Variants in CACNB2 observed in about 807,000 individuals in gnomAD.
CACNB2 encodes the protein voltage-dependent L-type calcium channel subunit beta-2.
Under a neutral mutation model 73.3 loss-of-function variants are expected in CACNB2, and 42 were observed. The ratio of observed to expected loss-of-function variants is 0.57; its 90% confidence interval spans 0.45 to 0.74. CACNB2 has a LOEUF of 0.74. Ranked by LOEUF, CACNB2 falls within the 30% of genes least tolerant of loss-of-function variation. CACNB2 has a pLI of 0.00. For synonymous variants in CACNB2, 348 were observed against 310.3 expected (o/e 1.12, Z -1.28); for missense variants, 940 against 853.0 (o/e 1.10, Z -1.27).
intron 4 of CACNB2, chr10:18,498,704 T>A: frequency 1.9e-6 from 1 of 517,106 alleles, no homozygotes; most frequent in South Asian, 2.1e-5. Context: ...TCCCTGGGGC[T>A]CTGTGGCCCA....
intron 2 of CACNB2, among the ~76,000 whole-genome samples, chr10:18,272,709 C>T (rs911905075): frequency 6.6e-6 from 1 of 152,200 alleles, no homozygotes; most frequent in African/African-American, 2.4e-5. Context: ...CTCTTATCCG[C>T]CGCCATGTAA....
At chr10:18,268,797 T>C (rs1001408708) in intron 2 of CACNB2, among the ~76,000 whole-genome samples, 5 of 152,326 alleles carry the variant, frequency 3.3e-5, no homozygotes. Context: ...TTAAATATGT[T>C]ATCTCCTACC....
chr10:18,248,474 A>G (rs780685653), intron 2 of CACNB2, among the ~76,000 whole-genome samples: 1 of 149,584 alleles, frequency 6.7e-6, no homozygotes, highest in Non-Finnish European at 1.5e-5. Context: ...AAATTTGAGA[A>G]GAACTTTTTC....
intron 1 of CACNB2, among the ~76,000 whole-genome samples, chr10:18,147,717 T>TA (rs34751078): frequency 1.4e-4 from 17 of 118,332 alleles, no homozygotes; most frequent in African/African-American, 5.9e-4. Context: ...ATTACATATA[T>TA]TTTTTTTTTC....
intron 2 of CACNB2, among the ~76,000 whole-genome samples, chr10:18,286,265 C>A (rs1376798416): frequency 6.6e-6 from 1 of 152,070 alleles, no homozygotes; most frequent in South Asian, 2.1e-4. Flanking sequence ...GCCTGTAATC[C>A]CAGCACTTTG....
intron 2 of CACNB2, among the ~76,000 whole-genome samples, chr10:18,379,926 A>G (rs1452697683): frequency 3.3e-5 from 5 of 152,132 alleles, no homozygotes; most frequent in African/African-American, 9.7e-5. Context: ...GGCTCAAGCA[A>G]TCCTCCTGTC....
intron 3 of CACNB2, among the ~76,000 whole-genome samples, chr10:18,457,998 T>A (rs1350200353): frequency 6.6e-6 from 1 of 152,226 alleles, no homozygotes. Flanking sequence ...TTGTTTTAGA[T>A]AATTACCAGC....
chr10:18,152,630 C>G (rs2031659626), intron 2 of CACNB2, among the ~76,000 whole-genome samples: 2 of 142,864 alleles, frequency 1.4e-5, no homozygotes, highest in African/African-American at 5.2e-5. Flanking sequence ...TATTCTGCCT[C>G]TGAGACAAAG....
At chr10:18,211,959 C>T (rs2035334805) in intron 2 of CACNB2, among the ~76,000 whole-genome samples, 1 of 151,944 alleles carries the variant, frequency 6.6e-6, no homozygotes, top group Admixed American at 6.6e-5. Flanking sequence ...TAGGGCAGTG[C>T]TTTCTCAATC....
chr10:18,519,013 A>C, intron 9 of CACNB2, 45 bp downstream of exon 9: 1 of 1,545,194 alleles, frequency 6.5e-7, no homozygotes, highest in Admixed American at 1.7e-5. Context: ...TGTCTTAAAG[A>C]TGGCAAAACG....
chr10:18,208,241 A>C (rs1283930762), intron 2 of CACNB2, among the ~76,000 whole-genome samples: 1 of 152,164 alleles, frequency 6.6e-6, no homozygotes, highest in Non-Finnish European at 1.5e-5. Context: ...CTGAGGCTGG[A>C]GGATGACTTG....
chr10:18,141,903 T>TA (rs1383755886), intron 1 of CACNB2, among the ~76,000 whole-genome samples: 3 of 152,230 alleles, frequency 2.0e-5, no homozygotes, highest in Admixed American at 2.0e-4. Context: ...ATTTCAAGCC[T>TA]ACATTTGCCA....
At chr10:18,283,945 T>A (rs912500126) in intron 2 of CACNB2, among the ~76,000 whole-genome samples, 15 of 152,130 alleles carry the variant, frequency 9.9e-5, no homozygotes, top group Admixed American at 7.2e-4. Flanking sequence ...TGGACAACTT[T>A]TCAGAAGTTT....
intron 2 of CACNB2, among the ~76,000 whole-genome samples, chr10:18,203,829 C>T (rs1222788170): frequency 6.6e-6 from 1 of 152,112 alleles, no homozygotes; most frequent in Non-Finnish European, 1.5e-5. Flanking sequence ...CTTATAATAG[C>T]ATTTTATAGT....
At chr10:18,224,561 C>T (rs2035916046) in intron 2 of CACNB2, among the ~76,000 whole-genome samples, 1 of 152,016 alleles carries the variant, frequency 6.6e-6, no homozygotes, top group African/African-American at 2.4e-5. Context: ...CTCATTTTAC[C>T]CCAAGTTAGT....
chr10:18,252,442 C>G (rs567145053), intron 2 of CACNB2, among the ~76,000 whole-genome samples: 2 of 152,310 alleles, frequency 1.3e-5, no homozygotes, highest in South Asian at 4.1e-4. Flanking sequence ...AAGCTTACAG[C>G]CAGATCTATG....
intron 10 of CACNB2, among the ~76,000 whole-genome samples, chr10:18,532,676 CAAAAAAAAAA>C (rs1219587375): frequency 1.1e-5 from 1 of 92,578 alleles, no homozygotes. Context: ...GACTCTGTCT[CAAAAAAAAAA>C]AAAAAAAAAA....
chr10:18,298,800 G>A (rs995060138), intron 2 of CACNB2, among the ~76,000 whole-genome samples: 1 of 152,200 alleles, frequency 6.6e-6, no homozygotes, highest in Non-Finnish European at 1.5e-5. Flanking sequence ...TTAAAGGTAA[G>A]AGGTAAAGCA....
At chr10:18,230,953 A>G (rs989624977) in intron 2 of CACNB2, among the ~76,000 whole-genome samples, 3 of 152,124 alleles carry the variant, frequency 2.0e-5, no homozygotes, top group Non-Finnish European at 4.4e-5. Flanking sequence ...CTCAATGGCA[A>G]TGTGCATATT....
Sources: gnomAD v4.1 joint callset for allele counts (sites outside exome capture counted in the v4.1 genomes callset) on GRCh38, gnomAD v4.1.1 for gene constraint, MANE v1.5 for transcripts, NCBI Gene and HGNC (gene_info 2026-07-23, HGNC 2026-07-21) for gene names.